Variants in COMMD10 observed in about 807,000 individuals in gnomAD.
COMMD10 encodes the protein COMM domain containing 10, also known as COMM domain-containing protein 10.
In COMMD10, 33 loss-of-function variants were observed where a neutral mutation model predicts 28.9. That is an observed-to-expected ratio of 1.14 (90% CI 0.87 to 1.53). COMMD10 has a LOEUF of 1.53. Ranked by LOEUF, COMMD10 falls within the 40% of genes most tolerant of loss-of-function variation. COMMD10 has a pLI of 0.00. For synonymous variants in COMMD10, 110 were observed against 81.7 expected (o/e 1.35, Z -1.87); for missense variants, 310 against 233.4 (o/e 1.33, Z -2.14).
chr5:116,268,893 A>G (rs1750679628), intron 5 of COMMD10, among the ~76,000 whole-genome samples: 1 of 151,638 alleles, frequency 6.6e-6, no homozygotes, highest in Admixed American at 6.6e-5. Context: ...TGGGAATTGA[A>G]CAATGAGAAC....
At chr5:116,240,514 G>A (rs745399658) in intron 5 of COMMD10, among the ~76,000 whole-genome samples, 7 of 152,140 alleles carry the variant, frequency 4.6e-5, no homozygotes, top group Non-Finnish European at 8.8e-5. Context: ...TATTTAGGGG[G>A]TCATCATTCT....
chr5:116,225,789 T>G (rs912182554), intron 5 of COMMD10, among the ~76,000 whole-genome samples: 1 of 151,914 alleles, frequency 6.6e-6, no homozygotes, highest in Non-Finnish European at 1.5e-5. Flanking sequence ...AATAAAAGAA[T>G]CACAGATTCT....
intron 5 of COMMD10, among the ~76,000 whole-genome samples, chr5:116,231,156 T>C (rs1268326401): frequency 6.6e-6 from 1 of 152,182 alleles, no homozygotes; most frequent in East Asian, 1.9e-4. Flanking sequence ...AAGCTGATTC[T>C]ACATCCTATT....
At chr5:116,212,451 A>T (rs918534655) in intron 5 of COMMD10, among the ~76,000 whole-genome samples, 1 of 139,374 alleles carries the variant, frequency 7.2e-6, no homozygotes, top group East Asian at 2.3e-4. Context: ...TGCAAGGGGA[A>T]TGAATATCAG....
chr5:116,167,785 G>T (rs1332264584), intron 5 of COMMD10, among the ~76,000 whole-genome samples: 1 of 152,038 alleles, frequency 6.6e-6, no homozygotes, highest in Admixed American at 6.6e-5. Flanking sequence ...CAGATACTAA[G>T]GGATTTTGTT....
Position 116,292,746 on chromosome 5 carries a change from T to G in COMMD10, c.*257T>G. 1 of 413,954 alleles carries G rather than the reference T, an allele frequency of 2.4e-6. No homozygotes were observed. The highest frequency in any genetic ancestry group is 4.3e-6 in the Non-Finnish European group (1 of 234,698). 25.6% of individuals were successfully genotyped at this position (413,954 alleles called of 1,614,324 possible). A position where few individuals can be genotyped will look rare whatever the true frequency, so the allele number is the denominator to read the frequency against. On this transcript the variant is annotated 3_prime_UTR_variant, in exon 7 of 7. Transcript: ENST00000274458. ...TCCCTTTAAAGGAAACAAAAGTGAA[T>G]ACCATATTGTTTTTACTGTCATAGT... is the stretch of plus-strand genomic sequence containing the variant.
intron 5 of COMMD10, among the ~76,000 whole-genome samples, chr5:116,227,223 T>C (rs975989974): frequency 1.3e-5 from 2 of 152,200 alleles, no homozygotes; most frequent in Admixed American, 1.3e-4. Flanking sequence ...TTTTCTCATT[T>C]CAAGGCCCTT....
At chr5:116,097,156 T>C (rs973083465) in intron 4 of COMMD10, among the ~76,000 whole-genome samples, 2 of 152,298 alleles carry the variant, frequency 1.3e-5, no homozygotes, top group Non-Finnish European at 2.9e-5. Context: ...ATTTGTCATA[T>C]AAAATATGCA....
At chr5:116,185,239 T>TG (rs11454906) in intron 5 of COMMD10, among the ~76,000 whole-genome samples, 48,806 of 151,890 alleles carry the variant, frequency 0.32, 11,111 homozygotes, top group African/African-American at 0.65. Flanking sequence ...TTTACTTTTT[T>TG]TTCAGTTTGA....
intron 4 of COMMD10, among the ~76,000 whole-genome samples, chr5:116,104,872 G>A (rs1750787108): frequency 6.6e-6 from 1 of 152,168 alleles, no homozygotes; most frequent in Middle Eastern, 3.2e-3. Context: ...GTCCGCCTTG[G>A]CCTCCCAAAG....
intron 4 of COMMD10, among the ~76,000 whole-genome samples, chr5:116,097,681 C>G (rs1045810545): frequency 6.6e-6 from 1 of 152,084 alleles, no homozygotes; most frequent in African/African-American, 2.4e-5. Context: ...GCCCACGGTT[C>G]TGCAGGCTGT....
At chr5:116,147,165 A>G (rs1233602528) in intron 5 of COMMD10, among the ~76,000 whole-genome samples, 1 of 150,678 alleles carries the variant, frequency 6.6e-6, no homozygotes, top group East Asian at 1.9e-4. Flanking sequence ...GTATTTGAGA[A>G]TCTGCTGAAG....
At chr5:116,089,496 C>G (rs1166539699) in intron 2 of COMMD10, among the ~76,000 whole-genome samples, 1 of 152,190 alleles carries the variant, frequency 6.6e-6, no homozygotes, top group Admixed American at 6.5e-5. Flanking sequence ...GGACAAGAAA[C>G]TCTTATACAT....
At chr5:116,117,839 A>T (rs1275691785) in intron 4 of COMMD10, among the ~76,000 whole-genome samples, 1 of 152,144 alleles carries the variant, frequency 6.6e-6, no homozygotes, top group East Asian at 1.9e-4. Context: ...ATATATTTTT[A>T]TATTCAAGGA....
At chr5:116,218,057 GC>G in intron 5 of COMMD10, 1 of 1,174,904 alleles carries the variant, frequency 8.5e-7, no homozygotes. Flanking sequence ...AGCTTTCTGT[GC>G]CTGATCTGTT....
intron 4 of COMMD10, among the ~76,000 whole-genome samples, chr5:116,095,258 A>G (rs902065419): frequency 1.3e-5 from 2 of 152,146 alleles, no homozygotes; most frequent in African/African-American, 4.8e-5. Context: ...TACACAGTCT[A>G]TGCATATAAG....
At chr5:116,089,955 A>C (rs1271870842) in intron 2 of COMMD10, among the ~76,000 whole-genome samples, 1 of 152,142 alleles carries the variant, frequency 6.6e-6, no homozygotes, top group East Asian at 1.9e-4. Flanking sequence ...GACTCCATCG[A>C]GTTGGCCTTT....
intron 5 of COMMD10, among the ~76,000 whole-genome samples, chr5:116,244,660 C>CAAAAAAAAAAAAAAAAAAAAA (rs60360733): frequency 5.0e-5 from 4 of 79,484 alleles, no homozygotes; most frequent in Middle Eastern, 9.1e-3. Flanking sequence ...AAAAAAATTA[C>CAAAAAAAAAAAAAAAAAAAAA]AAAAAAAAAA....
chr5:116,278,819 TAC>T (rs1750986876), intron 5 of COMMD10, among the ~76,000 whole-genome samples: 4 of 151,802 alleles, frequency 2.6e-5, no homozygotes, highest in Non-Finnish European at 4.4e-5. Context: ...ACAGAATAAA[TAC>T]TTAGAGTGTA....
Sources: allele counts gnomAD v4.1 joint callset (sites outside exome capture counted in the v4.1 genomes callset), GRCh38; gene constraint gnomAD v4.1.1; transcripts MANE v1.5; gene names NCBI Gene and HGNC (gene_info 2026-07-23, HGNC 2026-07-21).